BAIAP2: variants seen among roughly 807,000 people sequenced by gnomAD.
BAIAP2 encodes BAR/IMD domain-containing adapter protein 2.
A neutral mutation model predicts 63.0 loss-of-function variants in BAIAP2; 18 were observed. The ratio of observed to expected loss-of-function variants is 0.29; its 90% CI spans 0.20 to 0.42. The LOEUF (loss-of-function observed/expected upper bound fraction) is 0.42. BAIAP2 is among the 10% of genes least tolerant of loss of function. BAIAP2 has a pLI of 1.00. For synonymous variants in BAIAP2, 386 were observed against 307.6 expected (o/e 1.25, Z -2.67); for missense variants, 610 against 734.3 (o/e 0.83, Z 1.96).
At chr17:81,079,917 C>T (rs1463646215) in intron 3 of BAIAP2, among the ~76,000 whole-genome samples, 1 of 152,144 alleles carries the variant, frequency 6.6e-6, no homozygotes, top group Non-Finnish European at 1.5e-5. Flanking sequence ...GGTAAGTCTG[C>T]CCGCCGCATG....
intron 1 of BAIAP2, among the ~76,000 whole-genome samples, chr17:81,049,962 T>G (rs756389062): frequency 2.0e-5 from 3 of 152,072 alleles, no homozygotes; most frequent in Admixed American, 6.5e-5. Context: ...GATGGACTGG[T>G]TCGGAGGCTC....
chr17:81,065,783 G>A (rs2051354903), intron 3 of BAIAP2, among the ~76,000 whole-genome samples: 1 of 152,248 alleles, frequency 6.6e-6, no homozygotes, highest in African/African-American at 2.4e-5. Context: ...GTGTACACCT[G>A]GGCAGGTGGC....
chr17:81,043,865 T>C (rs1203216858), intron 1 of BAIAP2, among the ~76,000 whole-genome samples: 1 of 152,084 alleles, frequency 6.6e-6, no homozygotes, highest in Non-Finnish European at 1.5e-5. Flanking sequence ...GTTCGAGGAG[T>C]TCAGGAAGGC....
At chr17:81,060,752 G>T (rs542958234) in intron 3 of BAIAP2, among the ~76,000 whole-genome samples, 1 of 152,254 alleles carries the variant, frequency 6.6e-6, no homozygotes, top group African/African-American at 2.4e-5. Context: ...GTGTGGCCAA[G>T]TCCTACTGCA....
intron 6 of BAIAP2, among the ~76,000 whole-genome samples, chr17:81,099,173 T>TG: frequency 2.0e-5 from 3 of 152,212 alleles, no homozygotes; most frequent in African/African-American, 2.4e-5. Flanking sequence ...CTGGTCTTGC[T>TG]TTCTGGGCTC....
chr17:81,108,384 G>C, intron 12 of BAIAP2, 91 bp from the exon 13 acceptor site: 2 of 1,423,654 alleles, frequency 1.4e-6, no homozygotes, highest in South Asian at 2.3e-5. Flanking sequence ...TGTCCAGGCA[G>C]GATCACCATT....
rs140326116 is a variant in BAIAP2 at position 81,044,304 on chromosome 17, A to G, written c.54+8996A>G. 2.3e-3 allele frequency among the ~76,000 whole-genome samples: 357 copies of G among 152,342 alleles called. 1 individual carries two copies. The highest frequency in any genetic ancestry group is 8.4e-3 in the African/African-American group (351 of 41,582). On this transcript the variant is annotated intron_variant, in intron 1 of 13. Transcript: ENST00000428708. Reference sequence around the variant, plus strand: ...GATTCTTGCAGGCCAGGCGGTGACCAGACTTGGGTCTGCGATTGGCGGTAA... The same window carrying G: ...GATTCTTGCAGGCCAGGCGGTGACCGGACTTGGGTCTGCGATTGGCGGTAA...
chr17:81,116,281 C>CGGGA lies in BAIAP2; in HGVS notation c.*443_*444insGGAG, dbSNP rs761543248. The CGGGA allele has an allele frequency of 1.8e-4, 285 of 1,612,748 alleles. No homozygotes were observed. The highest frequency in any genetic ancestry group is 2.4e-4 in the Non-Finnish European group (278 of 1,179,938). On this transcript the variant is annotated 3_prime_UTR_variant, in exon 14 of 14. Coordinates refer to ENST00000428708, the MANE Select transcript of BAIAP2 (RefSeq NM_001144888.2). ...AAGGCCGGGAGCACGGGGATGGGAG[C>CGGGA]GCCCGCACCCTGGCTGGAAGATGAA... is the stretch of plus-strand genomic sequence containing the variant.
At chr17:81,041,549 G>T (rs1321570084) in intron 1 of BAIAP2, among the ~76,000 whole-genome samples, 2 of 151,424 alleles carry the variant, frequency 1.3e-5, no homozygotes, top group East Asian at 3.9e-4. Flanking sequence ...TTCGTTTTTT[G>T]TTTGTTTTTT....
intron 3 of BAIAP2, among the ~76,000 whole-genome samples, chr17:81,067,473 G>A (rs1019803498): frequency 1.3e-5 from 2 of 152,260 alleles, no homozygotes; most frequent in African/African-American, 4.8e-5. Flanking sequence ...CCTGCCAACA[G>A]CTTTGCGGTG....
At chr17:81,053,628 C>T (rs751356929) in intron 1 of BAIAP2, 40 bp from the exon 2 acceptor site, 8 of 1,611,004 alleles carry the variant, frequency 5.0e-6, no homozygotes, top group South Asian at 3.3e-5. Context: ...ACCAGGGTGA[C>T]CTCTGCCAGT....
chr17:81,048,838 C>T (rs1038242591), intron 1 of BAIAP2, among the ~76,000 whole-genome samples: 1 of 152,182 alleles, frequency 6.6e-6, no homozygotes, highest in African/African-American at 2.4e-5. Flanking sequence ...GACGTCCCAG[C>T]AGGAGGGCAG....
At chr17:81,080,099 C>T (rs111825497) in intron 3 of BAIAP2, among the ~76,000 whole-genome samples, 164 of 152,352 alleles carry the variant, frequency 1.1e-3, no homozygotes, top group Admixed American at 1.8e-3. Context: ...AACTCACTGC[C>T]CCTACCGGTG....
rs369604282 is a variant in BAIAP2 at position 81,042,687 on chromosome 17, C to T, written c.54+7379C>T. Among the ~76,000 whole-genome samples the T allele has an allele frequency of 1.1e-4, 17 of 151,474 alleles. No homozygotes were observed. The East Asian group carries it at 2.7e-3, about 24-fold the overall frequency. On this transcript the variant is annotated intron_variant, in intron 1 of 13. Coordinates refer to ENST00000428708, the MANE Select transcript of BAIAP2 (RefSeq NM_001144888.2). The stretch of plus-strand genomic sequence containing the variant: ...GCTGGGGTAGCACAGGTGCCTGTGC[C>T]GGAAAACAGCGACATCTTGACATTA...
intron 4 of BAIAP2, 57 bp from the exon 5 acceptor site, chr17:81,085,597 C>T: frequency 1.4e-6 from 2 of 1,465,836 alleles, no homozygotes; most frequent in South Asian, 2.3e-5. Flanking sequence ...GCCCTGCCTC[C>T]TGTTCCGGGT....
At position 81,077,185 on chromosome 17, in the gene BAIAP2, AGT is replaced by A. The variant is rs1598658363; in HGVS notation, c.218-7644_218-7643del. On this transcript the variant is annotated intron_variant, in intron 3 of 13. Transcript: ENST00000428708. ...GTGGGTTTCTCTTCGGGGTGATGAAAGTGTCCGGGCAGTCAGCTAGCTCAACT... is the reference window on the plus strand; with the variant it reads ...GTGGGTTTCTCTTCGGGGTGATGAAAGTCCGGGCAGTCAGCTAGCTCAACT... Among the ~76,000 whole-genome samples the A allele has an allele frequency of 2.0e-5, 3 of 152,214 alleles. No individual in the cohort carries two copies. The East Asian group carries it at 5.8e-4, about 29-fold the overall frequency.
At chr17:81,035,495 C>A (rs1479635540) in intron 1 of BAIAP2, among the ~76,000 whole-genome samples, 187 bp downstream of exon 1, 3 of 148,620 alleles carry the variant, frequency 2.0e-5, no homozygotes, top group Admixed American at 1.3e-4. Context: ...CCGGCGCCGG[C>A]CGCTCACAGG....
chr17:81,086,718 A>G (rs1414513785), intron 6 of BAIAP2, 138 bp downstream of exon 6: 2 of 1,015,828 alleles, frequency 2.0e-6, no homozygotes, highest in Admixed American at 2.5e-5. Flanking sequence ...TCCCTGGTAG[A>G]CCTCGGGAGC....
At chr17:81,085,567 T>C (rs1273473974) in intron 4 of BAIAP2, 87 bp from the exon 5 acceptor site, 1 of 1,121,312 alleles carries the variant, frequency 8.9e-7, no homozygotes, top group South Asian at 1.3e-5. Context: ...CGGTGTCTCG[T>C]GCCCATCCGC....
Sources: allele counts gnomAD v4.1 joint callset (sites outside exome capture counted in the v4.1 genomes callset), GRCh38; gene constraint gnomAD v4.1.1; transcripts MANE v1.5; gene names NCBI Gene and HGNC (gene_info 2026-07-23, HGNC 2026-07-21).